SMIM19: variants seen among roughly 807,000 people sequenced by gnomAD.
The protein encoded by SMIM19 is small integral membrane protein 19, also known as UPF0697 protein C8orf40.
SMIM19 carries 6 observed loss-of-function variants against 13.2 expected under a neutral mutation model. That is an observed-to-expected ratio of 0.45 (90% CI 0.25 to 0.90). The LOEUF is 0.90. Ranked by LOEUF, SMIM19 falls within the 40% of genes least tolerant of loss-of-function variation. SMIM19 has a pLI of 0.19. For synonymous variants in SMIM19, 46 were observed against 43.1 expected (o/e 1.07, Z -0.27); for missense variants, 138 against 131.0 (o/e 1.05, Z -0.26).
At chr8:42,544,352 A>C (rs1399414546) in intron 1 of SMIM19, among the ~76,000 whole-genome samples, 2 of 151,146 alleles carry the variant, frequency 1.3e-5, no homozygotes, top group Non-Finnish European at 2.9e-5. Flanking sequence ...CGGAGCTTGC[A>C]GTGAGCCGAG....
Position 42,545,909 on chromosome 8 carries a change from C to G in SMIM19, c.-4-560C>G, listed in dbSNP as rs147650702. 3.2e-4 allele frequency among the ~76,000 whole-genome samples: 48 copies of G among 152,220 alleles called. No individual in the cohort carries two copies. In the East Asian group the frequency reaches 8.9e-3, roughly 28 times the overall value. ...ACTGCAATAACATTTCAAGCTCAGT[C>G]CTTTTAGTAATATTATTTTTTATCC... On this transcript the variant is annotated intron_variant, in intron 1 of 3. Transcript: ENST00000417410.
At chr8:42,544,844 C>T (rs190093522) in intron 1 of SMIM19, among the ~76,000 whole-genome samples, 1 of 152,332 alleles carries the variant, frequency 6.6e-6, no homozygotes, top group East Asian at 1.9e-4. Context: ...AAAGAAAGAA[C>T]TCTGCCCTCA....
intron 3 of SMIM19, among the ~76,000 whole-genome samples, chr8:42,549,055 C>G (rs1258310550): frequency 6.6e-6 from 1 of 152,164 alleles, no homozygotes; most frequent in African/African-American, 2.4e-5. Context: ...CCCATAAGTC[C>G]TCAGCCCATG....
rs879778327 is a variant in SMIM19 at position 42,554,519 on chromosome 8, A to T, written c.*1911A>T. ...GATGGTCCTAACTACAAACTAGTAG[A>T]TTATTTGATGAGCATCAAGCCCTGG... On this transcript the variant is annotated 3_prime_UTR_variant, in exon 4 of 4. Transcript: ENST00000417410. 1 of 152,226 alleles carries T rather than the reference A, an allele frequency of 6.6e-6. No individual in the cohort carries two copies. Among genetic ancestry groups the T allele is most frequent in the Admixed American group, 6.5e-5 (1 of 15,280 alleles). The allele number at this position is 152,226 out of a possible 1,614,324, so 9.4% of individuals were successfully genotyped here.
chr8:42,552,031 A>T (rs1813692406), intron 3 of SMIM19, among the ~76,000 whole-genome samples: 1 of 152,214 alleles, frequency 6.6e-6, no homozygotes, highest in Non-Finnish European at 1.5e-5. Flanking sequence ...AATAATAATA[A>T]ACATATAAAA....
At chr8:42,550,196 T>C (rs147251620) in intron 3 of SMIM19, among the ~76,000 whole-genome samples, 50 of 152,306 alleles carry the variant, frequency 3.3e-4, no homozygotes, top group African/African-American at 1.1e-3. Context: ...TTATTTGCTG[T>C]CAGTAATATG....
rs138368316 is a variant in SMIM19 at position 42,552,656 on chromosome 8, C to A, written c.*48C>A. ...AAGTAATTGTTTCAAGCTCCTGATT[C>A]TTTCTACTAAATCATGAACAGCTTT... is the stretch of plus-strand genomic sequence containing the variant. On this transcript the variant is annotated 3_prime_UTR_variant, in exon 4 of 4. Coordinates refer to ENST00000417410, the MANE Select transcript of SMIM19 (RefSeq NM_001135674.2). 3 of 1,571,394 alleles carry A rather than the reference C, an allele frequency of 1.9e-6. 1 individual carries two copies. Among genetic ancestry groups the A allele is most frequent in the South Asian group, 2.2e-5 (2 of 89,144 alleles).
chr8:42,548,611 T>TA lies in SMIM19; in HGVS notation c.135-44dup, dbSNP rs768581366. On this transcript the variant is annotated intron_variant, in intron 2 of 3. Transcript: ENST00000417410. Reference sequence around the variant, plus strand: ...GGATCATGAGCATATTACAACTCTATAGACATTAATACAAACATCTCTTCT... The same window carrying TA: ...GGATCATGAGCATATTACAACTCTATAAGACATTAATACAAACATCTCTTCT... 5.0e-6 allele frequency: 8 copies of TA among 1,609,734 alleles called. No homozygotes were observed. In the East Asian group the frequency reaches 1.3e-4, roughly 27 times the overall value.
chr8:42,543,108 C>T (rs991666509), intron 1 of SMIM19, among the ~76,000 whole-genome samples: 5 of 152,146 alleles, frequency 3.3e-5, no homozygotes, highest in Admixed American at 3.3e-4. Flanking sequence ...CCATCCTAGC[C>T]TCTCCTTACT....
intron 2 of SMIM19, 59 bp downstream of exon 2, chr8:42,546,665 A>G (rs969937129): frequency 6.4e-7 from 1 of 1,572,124 alleles, no homozygotes; most frequent in African/African-American, 1.4e-5. Context: ...TTGCTAGTTT[A>G]AGAAATATGA....
chr8:42,542,772 G>A (rs1344742486), intron 1 of SMIM19, among the ~76,000 whole-genome samples: 2 of 151,496 alleles, frequency 1.3e-5, no homozygotes, highest in Non-Finnish European at 2.9e-5. Context: ...GACCAGCCTG[G>A]GCAGTATAGT....
Position 42,552,778 on chromosome 8 carries a change from C to A in SMIM19, c.*170C>A. The A allele has an allele frequency of 1.4e-6, 1 of 696,692 alleles. No individual in the cohort carries two copies. Among genetic ancestry groups the A allele is most frequent in the Non-Finnish European group, 2.3e-6 (1 of 428,670 alleles). 43.2% of individuals were successfully genotyped at this position (696,692 alleles called of 1,614,324 possible). On this transcript the variant is annotated 3_prime_UTR_variant, in exon 4 of 4. Coordinates refer to ENST00000417410, the MANE Select transcript of SMIM19 (RefSeq NM_001135674.2). ...CTTTTTAAATTACATCTCCAAGTGGCTCAAAAGGCCTTGACACAGGGAACC... is the reference window on the plus strand; with the variant it reads ...CTTTTTAAATTACATCTCCAAGTGGATCAAAAGGCCTTGACACAGGGAACC...
Position 42,542,341 on chromosome 8 carries a change from T to A in SMIM19, c.-37T>A. On this transcript the variant is annotated 5_prime_UTR_variant, in exon 1 of 4. Coordinates refer to ENST00000417410, the MANE Select transcript of SMIM19 (RefSeq NM_001135674.2). ...GGACTGCCCAGCACCTGTGAATTGC[T>A]TTCCTGGATGTTGGGTGAAGGCCTG... is the stretch of plus-strand genomic sequence containing the variant. 1 of 675,778 alleles carries A rather than the reference T, an allele frequency of 1.5e-6. No individual in the cohort carries two copies. The highest frequency in any genetic ancestry group is 1.8e-6 in the Non-Finnish European group (1 of 547,232). The allele number at this position is 675,778 out of a possible 1,614,324, so 41.9% of individuals were successfully genotyped here.
intron 3 of SMIM19, among the ~76,000 whole-genome samples, chr8:42,551,150 C>T (rs1387077891): frequency 6.6e-6 from 1 of 151,844 alleles, no homozygotes; most frequent in East Asian, 1.9e-4. Flanking sequence ...AAACCTGTCT[C>T]TACTAAAAAT....
Position 42,542,392 on chromosome 8 carries a change from C to T in SMIM19, c.-5+19C>T. ...TGAGCTTGTATGTACCCTTTGGCTT[C>T]AGAATACCAAGCCTTTAGTGTTTCA... On this transcript the variant is annotated intron_variant, in intron 1 of 3. Transcript: ENST00000417410. 1 of 980,548 alleles carries T rather than the reference C, an allele frequency of 1.0e-6. No individual in the cohort carries two copies. Among genetic ancestry groups the T allele is most frequent in the Admixed American group, 6.1e-5 (1 of 16,268 alleles). The allele number at this position is 980,548 out of a possible 1,614,324, so 60.7% of individuals were successfully genotyped here. A position where few individuals can be genotyped will look rare whatever the true frequency, so the allele number is the denominator to read the frequency against.
chr8:42,546,227 C>T (rs530519481), intron 1 of SMIM19, among the ~76,000 whole-genome samples: 10 of 152,146 alleles, frequency 6.6e-5, no homozygotes, highest in African/African-American at 2.4e-4. Flanking sequence ...GTATTTTTTC[C>T]CAAATATTTT....
At chr8:42,549,057 C>T (rs939771598) in intron 3 of SMIM19, among the ~76,000 whole-genome samples, 1 of 152,182 alleles carries the variant, frequency 6.6e-6, no homozygotes, top group Non-Finnish European at 1.5e-5. Flanking sequence ...CATAAGTCCT[C>T]AGCCCATGAA....
At chr8:42,542,699 G>C (rs1586319217) in intron 1 of SMIM19, among the ~76,000 whole-genome samples, 1 of 152,034 alleles carries the variant, frequency 6.6e-6, no homozygotes, top group South Asian at 2.1e-4. Context: ...GGTGGCTCAC[G>C]CCTGTAATCC....
At chr8:42,545,275 A>G (rs1813439025) in intron 1 of SMIM19, among the ~76,000 whole-genome samples, 1 of 152,140 alleles carries the variant, frequency 6.6e-6, no homozygotes, top group African/African-American at 2.4e-5. Flanking sequence ...TGCTGTGACC[A>G]CTCTAACTTT....
Sources: allele counts gnomAD v4.1 joint callset (sites outside exome capture counted in the v4.1 genomes callset), GRCh38; gene constraint gnomAD v4.1.1; transcripts MANE v1.5; gene names NCBI Gene and HGNC (gene_info 2026-07-23, HGNC 2026-07-21).